EXOC4: variants seen among roughly 807,000 people sequenced by gnomAD.
EXOC4 encodes exocyst complex component 4.
A neutral mutation model predicts 107.2 loss-of-function variants in EXOC4; 71 were observed. That is an observed-to-expected ratio of 0.66 (90% confidence interval 0.55 to 0.81). EXOC4 has a LOEUF of 0.81. Among genes scored for constraint, EXOC4 ranks in the 30% least tolerant of loss-of-function variants. EXOC4 has a pLI of 0.00. For missense variants in EXOC4, 1,108 were observed against 1,189.6 expected (o/e 0.93, Z 1.01); for synonymous variants, 456 against 441.2 (o/e 1.03, Z -0.42).
intron 10 of EXOC4, among the ~76,000 whole-genome samples, chr7:133,722,195 C>T (rs564460792): frequency 3.3e-5 from 5 of 152,310 alleles, no homozygotes; most frequent in South Asian, 2.1e-4. Flanking sequence ...GGGACTTGGA[C>T]GCCTGAAAAC....
At chr7:133,772,987 G>A (rs1436124629) in intron 10 of EXOC4, among the ~76,000 whole-genome samples, 1 of 152,036 alleles carries the variant, frequency 6.6e-6, no homozygotes, top group Non-Finnish European at 1.5e-5. Flanking sequence ...GTGAGCGTCA[G>A]TGGGGAAGCC....
intron 10 of EXOC4, among the ~76,000 whole-genome samples, chr7:133,800,223 C>A (rs1199311870): frequency 6.6e-6 from 1 of 152,128 alleles, no homozygotes; most frequent in Non-Finnish European, 1.5e-5. Flanking sequence ...ATGTTATTAT[C>A]CAGTTGTCAT....
intron 9 of EXOC4, among the ~76,000 whole-genome samples, chr7:133,558,191 CTT>C (rs1800732885): frequency 2.8e-5 from 2 of 72,534 alleles, no homozygotes; most frequent in East Asian, 5.9e-4. Context: ...GGTTCCTTCT[CTT>C]TTCTTTTCTT....
At chr7:133,377,619 A>G (rs1203132893) in intron 7 of EXOC4, among the ~76,000 whole-genome samples, 1 of 152,178 alleles carries the variant, frequency 6.6e-6, no homozygotes, top group African/African-American at 2.4e-5. Flanking sequence ...TATCAGGAGA[A>G]ATGGTGACCA....
chr7:133,352,389 G>A (rs1795931312), intron 5 of EXOC4, among the ~76,000 whole-genome samples: 1 of 151,930 alleles, frequency 6.6e-6, no homozygotes, highest in Admixed American at 6.6e-5. Context: ...TTCTTACTGT[G>A]TTGAGCCTTT....
chr7:133,717,597 C>T (rs111791756), intron 10 of EXOC4, among the ~76,000 whole-genome samples: 242 of 152,294 alleles, frequency 1.6e-3, no homozygotes, highest in African/African-American at 5.5e-3. Context: ...GTGCCCAGCA[C>T]GGTACTTGGT....
At chr7:133,331,010 C>T (rs972121266) in intron 5 of EXOC4, among the ~76,000 whole-genome samples, 4 of 151,660 alleles carry the variant, frequency 2.6e-5, no homozygotes, top group Admixed American at 6.6e-5. Flanking sequence ...ATGCAACAGG[C>T]CTATGACGTA....
chr7:134,015,333 T>C (rs28407104), intron 17 of EXOC4, among the ~76,000 whole-genome samples: 27,402 of 152,230 alleles, frequency 0.18, 3,001 homozygotes, highest in East Asian at 0.42. Flanking sequence ...AAGCAGGGAC[T>C]CTTTTTTGTT....
At chr7:133,748,142 T>A (rs1177228901) in intron 10 of EXOC4, among the ~76,000 whole-genome samples, 1 of 152,208 alleles carries the variant, frequency 6.6e-6, no homozygotes, top group Admixed American at 6.5e-5. Flanking sequence ...CCAGAGACAC[T>A]GCAAAGCCTG....
chr7:133,352,957 T>G (rs1277933748), intron 5 of EXOC4, among the ~76,000 whole-genome samples: 1 of 152,084 alleles, frequency 6.6e-6, no homozygotes, highest in Non-Finnish European at 1.5e-5. Flanking sequence ...TTTTGGTTGT[T>G]GATGTCACAG....
At chr7:133,761,675 C>T (rs114797812) in intron 10 of EXOC4, among the ~76,000 whole-genome samples, 259 of 152,252 alleles carry the variant, frequency 1.7e-3, no homozygotes, top group African/African-American at 5.9e-3. Flanking sequence ...TATTGCCTGG[C>T]TAGTGTTTGA....
chr7:133,932,059 G>A (rs1168584521), intron 13 of EXOC4, among the ~76,000 whole-genome samples: 1 of 152,168 alleles, frequency 6.6e-6, no homozygotes, highest in Non-Finnish European at 1.5e-5. Flanking sequence ...GCATTTATGC[G>A]TTCCTGGATT....
At chr7:133,794,543 A>T (rs2151188174) in intron 10 of EXOC4, among the ~76,000 whole-genome samples, 1 of 152,336 alleles carries the variant, frequency 6.6e-6, no homozygotes, top group African/African-American at 2.4e-5. Context: ...AACTTTAGTT[A>T]CTAGGCTATT....
chr7:133,952,626 T>C (rs1403510489), intron 14 of EXOC4, among the ~76,000 whole-genome samples: 1 of 152,168 alleles, frequency 6.6e-6, no homozygotes. Flanking sequence ...AAACTCCATA[T>C]TCCTTAAACA....
intron 10 of EXOC4, among the ~76,000 whole-genome samples, chr7:133,715,150 G>A (rs969439107): frequency 1.3e-5 from 2 of 152,146 alleles, no homozygotes; most frequent in Non-Finnish European, 2.9e-5. Flanking sequence ...GGGTATTCCA[G>A]TATCTCTAAT....
At chr7:133,523,587 C>T (rs907297980) in intron 9 of EXOC4, among the ~76,000 whole-genome samples, 1 of 151,532 alleles carries the variant, frequency 6.6e-6, no homozygotes, top group Non-Finnish European at 1.5e-5. Flanking sequence ...TGCTATCCCT[C>T]CCCCCTTCCC....
intron 14 of EXOC4, among the ~76,000 whole-genome samples, chr7:133,994,656 T>C (rs992547635): frequency 1.3e-5 from 2 of 152,256 alleles, no homozygotes; most frequent in African/African-American, 2.4e-5. Flanking sequence ...ATCAAGCACT[T>C]ACATATTTAA....
At chr7:133,696,084 G>A (rs959614342) in intron 10 of EXOC4, among the ~76,000 whole-genome samples, 2 of 152,140 alleles carry the variant, frequency 1.3e-5, no homozygotes, top group Admixed American at 6.5e-5. Flanking sequence ...AGTATGCCCC[G>A]GCTGGCAAAG....
At chr7:133,789,763 T>C (rs1796666064) in intron 10 of EXOC4, among the ~76,000 whole-genome samples, 1 of 152,184 alleles carries the variant, frequency 6.6e-6, no homozygotes, top group African/African-American at 2.4e-5. Flanking sequence ...GGAAAGACTT[T>C]CTCTGTTCAA....
Sources: gnomAD v4.1 joint callset for allele counts (sites outside exome capture counted in the v4.1 genomes callset) on GRCh38, gnomAD v4.1.1 for gene constraint, MANE v1.5 for transcripts, NCBI Gene and HGNC (gene_info 2026-07-23, HGNC 2026-07-21) for gene names.